Variants in LRBA observed in about 807,000 individuals in gnomAD.
LRBA encodes lipopolysaccharide-responsive and beige-like anchor protein.
LRBA carries 176 observed loss-of-function variants against 330.0 expected under a neutral mutation model. The ratio of observed to expected loss-of-function variants is 0.53; its 90% confidence interval spans 0.47 to 0.60. LRBA has a LOEUF of 0.60. Ranked by LOEUF, LRBA falls within the 20% of genes least tolerant of loss-of-function variation. The pLI is 0.00. For synonymous variants in LRBA, 1,230 were observed against 1,193.0 expected, an observed-to-expected ratio of 1.03 and a Z score of -0.64; for missense variants, 3,259 against 3,444.8, an observed-to-expected ratio of 0.95 and a Z score of 1.35.
intron 47 of LRBA, among the ~76,000 whole-genome samples, chr4:150,391,321 C>T (rs777703261): frequency 1.3e-3 from 200 of 152,264 alleles, no homozygotes; most frequent in Non-Finnish European, 2.2e-3. Flanking sequence ...ACTTTTACTT[C>T]AGGAAGAAAC....
chr4:150,871,245 A>G lies in LRBA; in HGVS notation c.2367+100T>C, dbSNP rs962411149. 7 of 673,176 alleles carry G rather than the reference A, an allele frequency of 1.0e-5. No homozygotes were observed. In the South Asian group the frequency reaches 1.4e-4, roughly 14 times the overall value. 41.7% of individuals were successfully genotyped at this position (673,176 alleles called of 1,614,324 possible). On this transcript the variant is annotated intron_variant, in intron 19 of 56. Coordinates refer to ENST00000651943, the MANE Select transcript of LRBA (RefSeq NM_001364905.1). ...GTGACAGAGTGAGACTCTGTCTCAA[A>G]AAATAAAATAAAAATAAATGATCTT...
chr4:150,657,070 A>G (rs374791917), intron 37 of LRBA, among the ~76,000 whole-genome samples: 70 of 152,350 alleles, frequency 4.6e-4, no homozygotes, highest in African/African-American at 1.6e-3. Context: ...GCTTGTCATA[A>G]AAAGTAGTAC....
chr4:150,928,866 C>A lies in LRBA; in HGVS notation c.416G>T (p.Gly139Val). 1.2e-6 allele frequency: 2 copies of A among 1,613,718 alleles called. No individual in the cohort carries two copies. The highest frequency in any genetic ancestry group is 1.7e-6 in the Non-Finnish European group (2 of 1,179,916). Residue 139 changes from glycine (G) to valine (V), a missense_variant, in exon 3 of 57, where the codon GGG becomes GTG. By Grantham distance (109) the Gly-to-Val change is moderately radical. Coordinates refer to ENST00000651943, the MANE Select transcript of LRBA (RefSeq NM_001364905.1). The part of the protein sequence containing the change: ...TEVGLVEKVL[G>V]KIEKVDNMIA... ...CATATTGTCAACTTTTTCAATTTTC[C>A]CAAGCACTTTTTCAACAAGGCCTAC...
intron 34 of LRBA, among the ~76,000 whole-genome samples, chr4:150,784,468 C>T (rs568041593): frequency 6.6e-6 from 1 of 152,166 alleles, no homozygotes; most frequent in South Asian, 2.1e-4. Context: ...CCCACATATC[C>T]CCATGTGTGT....
At chr4:150,553,642 A>T (rs1025297112) in intron 40 of LRBA, among the ~76,000 whole-genome samples, 1 of 152,192 alleles carries the variant, frequency 6.6e-6, no homozygotes, top group Non-Finnish European at 1.5e-5. Context: ...CATACTTTTC[A>T]TACCAATAAC....
In LRBA at chr4:150,583,405, C is replaced by A; in HGVS notation, c.6330+4643G>T. ...CACGGCGTCGGGCTATCTCTCAGCG[C>A]GTAAGATCCGCTCGCGTTTCCAGAC... On this transcript the variant is annotated intron_variant, in intron 40 of 56. Coordinates refer to ENST00000651943, the MANE Select transcript of LRBA (RefSeq NM_001364905.1). The surrounding 1 kb of genome is among the most constrained non-coding windows in gnomAD (Gnocchi z 9.8). 6.2e-7 allele frequency: 1 copy of A among 1,614,008 alleles called. No homozygotes were observed. The highest frequency in any genetic ancestry group is 8.5e-7 in the Non-Finnish European group (1 of 1,180,032).
At chr4:150,270,139 C>T (rs1162376777) in intron 56 of LRBA, among the ~76,000 whole-genome samples, 1 of 152,170 alleles carries the variant, frequency 6.6e-6, no homozygotes, top group Non-Finnish European at 1.5e-5. Context: ...GGTACAGCCA[C>T]TGTGGAAAAC....
At chr4:150,679,206 CG>C (rs1561506864) in intron 37 of LRBA, among the ~76,000 whole-genome samples, 1 of 152,112 alleles carries the variant, frequency 6.6e-6, no homozygotes, top group African/African-American at 2.4e-5. Flanking sequence ...TAGCTTTTAA[CG>C]GGTCAAGTAC....
chr4:150,639,360 TAAAAAAAAAAAAGA>T (rs1297718980), intron 37 of LRBA, among the ~76,000 whole-genome samples: 1 of 106,696 alleles, frequency 9.4e-6, no homozygotes, highest in Non-Finnish European at 1.8e-5. Context: ...TAAAGTATAA[TAAAAAAAAAAAAGA>T]AAAAAAAAAA....
chr4:150,763,508 A>C (rs1163584577), intron 34 of LRBA, among the ~76,000 whole-genome samples: 1 of 151,966 alleles, frequency 6.6e-6, no homozygotes, highest in Non-Finnish European at 1.5e-5. Context: ...CAGAAATATG[A>C]ATCTAATTTA....
intron 56 of LRBA, among the ~76,000 whole-genome samples, chr4:150,271,674 G>T (rs7677474): frequency 0.5 from 75,582 of 150,932 alleles, 19,837 homozygotes; most frequent in South Asian, 0.59. Flanking sequence ...TTGGTGGGGG[G>T]AGGAGCGTCC....
chr4:150,742,096 C>T (rs999103942), intron 35 of LRBA, among the ~76,000 whole-genome samples: 2 of 150,844 alleles, frequency 1.3e-5, no homozygotes, highest in Admixed American at 6.6e-5. Context: ...GAGTTGAGAA[C>T]ATAGAGCGGG....
intron 18 of LRBA, among the ~76,000 whole-genome samples, chr4:150,872,063 T>C (rs1753506018): frequency 6.6e-6 from 1 of 152,174 alleles, no homozygotes; most frequent in East Asian, 1.9e-4. Flanking sequence ...TGTCCTTGTA[T>C]CATGAAAGCA....
At chr4:150,880,976 C>G (rs763074370) in intron 17 of LRBA, among the ~76,000 whole-genome samples, 4 of 152,056 alleles carry the variant, frequency 2.6e-5, no homozygotes, top group Non-Finnish European at 5.9e-5. Flanking sequence ...AAATGCAAAT[C>G]AAAATAATGA....
chr4:150,637,367 C>G (rs1778028198), intron 37 of LRBA, among the ~76,000 whole-genome samples: 1 of 152,048 alleles, frequency 6.6e-6, no homozygotes, highest in South Asian at 2.1e-4. Context: ...AGTGTATATA[C>G]TGAATTTTGT....
chr4:150,860,701 CCTGTAGT>C (rs1338502226), intron 22 of LRBA, among the ~76,000 whole-genome samples: 1 of 152,022 alleles, frequency 6.6e-6, no homozygotes, highest in African/African-American at 2.4e-5. Flanking sequence ...GTGGCAGGCG[CCTGTAGT>C]CCCAGCTACT....
chr4:150,763,511 C>G (rs759570432), intron 34 of LRBA, among the ~76,000 whole-genome samples: 6 of 151,810 alleles, frequency 4.0e-5, no homozygotes, highest in Non-Finnish European at 5.9e-5. Context: ...AAATATGAAT[C>G]TAATTTAAAA....
chr4:150,476,101 T>A (rs951717184), intron 42 of LRBA, among the ~76,000 whole-genome samples: 2 of 152,166 alleles, frequency 1.3e-5, no homozygotes, highest in African/African-American at 4.8e-5. Flanking sequence ...TTATGTTTCA[T>A]TGATTTTTGT....
chr4:150,723,815 CAG>C (rs1729274806), intron 36 of LRBA, among the ~76,000 whole-genome samples: 1 of 152,120 alleles, frequency 6.6e-6, no homozygotes, highest in Non-Finnish European at 1.5e-5. Flanking sequence ...TGCTTTGGGA[CAG>C]AGGGGAGCTC....
Sources: allele counts gnomAD v4.1 joint callset (sites outside exome capture counted in the v4.1 genomes callset), GRCh38; gene constraint gnomAD v4.1.1; non-coding constraint Gnocchi (gnomAD v3.1); transcripts MANE v1.5; gene names NCBI Gene and HGNC (gene_info 2026-07-23, HGNC 2026-07-21).